SLC22A5: variants seen among roughly 807,000 people sequenced by gnomAD.
The protein encoded by SLC22A5 is organic cation/carnitine transporter 2.
SLC22A5 carries 44 observed loss-of-function variants against 56.7 expected under a neutral mutation model. The observed-to-expected ratio is 0.78, with a 90% CI of 0.61 to 1.00. The LOEUF (loss-of-function observed/expected upper bound fraction) is 1.00, where lower values mean the gene tolerates loss of function less well. Among genes scored for constraint, SLC22A5 ranks in the 50% least tolerant of loss-of-function variants. The pLI, the probability that SLC22A5 is intolerant of heterozygous loss-of-function variation, is 0.00. For synonymous variants in SLC22A5, 278 were observed against 292.1 expected (o/e 0.95, Z 0.49); for missense variants, 675 against 723.0 (o/e 0.93, Z 0.76).
In SLC22A5 at chr5:132,369,884, C is replaced by T; in HGVS notation, c.-89C>T. ...TTGGGTCGCCTGCTGCCTGGCTTGC[C>T]TGGTCGGCGGCGGGTGCCCCGCGCG... On this transcript the variant is annotated 5_prime_UTR_variant, in exon 1 of 10. Transcript: ENST00000245407. The T allele has an allele frequency of 6.5e-7, 1 of 1,534,744 alleles. No individual in the cohort carries two copies. Among genetic ancestry groups the T allele is most frequent in the Non-Finnish European group, 8.8e-7 (1 of 1,142,788 alleles).
chr5:132,389,240 G>T, intron 6 of SLC22A5: 1 of 535,392 alleles, frequency 1.9e-6, no homozygotes, highest in Non-Finnish European at 3.4e-6. Flanking sequence ...GGAGGCTGTT[G>T]TGGGAAATAT....
chr5:132,389,060 C>A, intron 6 of SLC22A5, 39 bp downstream of exon 6: 1 of 1,382,214 alleles, frequency 7.2e-7, no homozygotes, highest in Non-Finnish European at 1.0e-6. Context: ...CCAGACAAAG[C>A]TTCTTGAAGT....
intron 1 of SLC22A5, chr5:132,377,303 C>T (rs886957077): frequency 2.6e-5 from 4 of 152,164 alleles, no homozygotes; most frequent in African/African-American, 9.7e-5. Flanking sequence ...TGTCCCCTTG[C>T]CTGCGTTGTT....
intron 1 of SLC22A5, among the ~76,000 whole-genome samples, chr5:132,375,481 A>G (rs1267923687): frequency 4.6e-5 from 7 of 152,326 alleles, no homozygotes; most frequent in East Asian, 3.9e-4. Flanking sequence ...CACACACCCT[A>G]TCTTTTTTCC....
At chr5:132,384,081 C>T (rs1752438911) in intron 2 of SLC22A5, 66 bp from the exon 3 acceptor site, 10 of 1,530,238 alleles carry the variant, frequency 6.5e-6, no homozygotes, top group Admixed American at 5.0e-5. Flanking sequence ...GAAAGCCCCA[C>T]TTGGTGGAGC....
chr5:132,370,453 C>A, intron 1 of SLC22A5, 88 bp downstream of exon 1: 1 of 1,396,206 alleles, frequency 7.2e-7, no homozygotes, highest in Non-Finnish European at 9.9e-7. Context: ...CCCAGATGCG[C>A]ACTGGACGCT....
chr5:132,387,052 C>T lies in SLC22A5; in HGVS notation c.852C>T (p.Leu284=), dbSNP rs146185976. The change falls in exon 5 of 10, where the codon CTC becomes CTT. Residue 284 remains leucine, a synonymous_variant. Coordinates refer to ENST00000245407, the MANE Select transcript of SLC22A5 (RefSeq NM_003060.4). ...TCATCCCTGAGTCCCCCCGATGGCT[C>T]ATCTCTCAGGGACGATTTGAAGAGG... ...WWFIPESPRW[L]ISQGRFEEAE... is the part of the protein sequence containing the mutation. The T allele has an allele frequency of 3.0e-4, 480 of 1,614,012 alleles. No homozygotes were observed. The highest frequency in any genetic ancestry group is 3.9e-4 in the Non-Finnish European group (457 of 1,179,960).
At chr5:132,376,138 A>T (rs1752132150) in intron 1 of SLC22A5, 1 of 152,280 alleles carries the variant, frequency 6.6e-6, no homozygotes, top group South Asian at 2.1e-4. Context: ...GTTGACAGAT[A>T]TGTGGACGGA....
At chr5:132,392,356 G>A (rs917811528) in intron 7 of SLC22A5, 77 bp from the exon 8 acceptor site, 1 of 1,369,456 alleles carries the variant, frequency 7.3e-7, no homozygotes, top group Non-Finnish European at 1.0e-6. Flanking sequence ...TGGGAAGAAA[G>A]TATGTTTGTT....
At position 132,393,730 on chromosome 5, in the gene SLC22A5, C is replaced by A; in HGVS notation, c.1505C>A (p.Thr502Lys). The A allele has an allele frequency of 1.2e-6, 2 of 1,614,188 alleles. No homozygotes were observed. The highest frequency in any genetic ancestry group is 1.7e-6 in the Non-Finnish European group (2 of 1,180,016). Residue 502 changes from threonine to lysine, a missense_variant, in exon 9 of 10, where the codon ACA becomes AAA. By Grantham distance (78) the Thr-to-Lys change is moderately conservative. Transcript: ENST00000245407. Reference protein sequence around the residue: ...YILMGSLTILTAILTLFLPES... With the variant: ...YILMGSLTILKAILTLFLPES... ...CTCATGGGAAGTCTGACCATCCTGA[C>A]AGCCATCCTCACCTTGTTTCTCCCA...
chr5:132,394,400 C>T lies in SLC22A5; in HGVS notation c.*128C>T. 1.3e-6 allele frequency: 1 copy of T among 798,418 alleles called. No homozygotes were observed. The highest frequency in any genetic ancestry group is 2.2e-6 in the Non-Finnish European group (1 of 446,372). 49.5% of individuals were successfully genotyped at this position (798,418 alleles called of 1,614,324 possible). ...GTTTGTCCTCTTGACCTGTGTCTGA[C>T]TTGCTCCTGGATGGGCACCCACACT... On this transcript the variant is annotated 3_prime_UTR_variant, in exon 10 of 10. Transcript: ENST00000245407.
rs1054647531 is a variant in SLC22A5, at chr5:132,394,355, A to G, written c.*83A>G. On this transcript the variant is annotated 3_prime_UTR_variant, in exon 10 of 10. Transcript: ENST00000245407. The stretch of plus-strand genomic sequence containing the variant: ...AGCTTGTGCAGACTCCGAGTCCTTC[A>G]GTGACAAAAGGCCTTTGCTGTTTGT... The G allele has an allele frequency of 2.7e-5, 26 of 950,360 alleles. No homozygotes were observed. Among genetic ancestry groups the G allele is most frequent in the Admixed American group, 4.1e-5 (2 of 48,940 alleles). The allele number at this position is 950,360 out of a possible 1,614,324, so 58.9% of individuals were successfully genotyped here.
intron 1 of SLC22A5, chr5:132,377,675 A>G (rs1160880871): frequency 6.0e-6 from 1 of 166,154 alleles, no homozygotes; most frequent in Non-Finnish European, 1.3e-5. Context: ...CTGTTTTACA[A>G]ATGGGGAAAT....
intron 6 of SLC22A5, chr5:132,390,480 C>A (rs1043918715): frequency 7.9e-6 from 5 of 631,468 alleles, no homozygotes; most frequent in Non-Finnish European, 1.4e-5. Flanking sequence ...TGAGAGCGCA[C>A]TGGCGCAGGG....
intron 5 of SLC22A5, 104 bp from the exon 6 acceptor site, chr5:132,388,817 T>G: frequency 3.2e-5 from 26 of 813,514 alleles, no homozygotes; most frequent in Non-Finnish European, 4.4e-5. Flanking sequence ...TCCCCGACGC[T>G]GAGATGCAGA....
intron 2 of SLC22A5, chr5:132,383,324 A>G (rs1396666502): frequency 6.6e-6 from 1 of 152,102 alleles, no homozygotes; most frequent in African/African-American, 2.4e-5. Flanking sequence ...TACTTAATCT[A>G]TGGATTCTCC....
At chr5:132,370,407 G>A (rs920186147) in intron 1 of SLC22A5, 42 bp downstream of exon 1, 4 of 1,602,362 alleles carry the variant, frequency 2.5e-6, no homozygotes, top group Non-Finnish European at 3.4e-6. Context: ...AGGGCTCGGA[G>A]GACCTGTCGC....
In SLC22A5 at chr5:132,369,846, T is replaced by A; in HGVS notation, c.-127T>A. On this transcript the variant is annotated 5_prime_UTR_variant, in exon 1 of 10. Coordinates refer to ENST00000245407, the MANE Select transcript of SLC22A5 (RefSeq NM_003060.4). ...GCGGTGTCAGCTCGCGAGCCTACCC[T>A]CCGCGGACGGTCTTGGGTCGCCTGC... 1 of 1,260,506 alleles carries A rather than the reference T, an allele frequency of 7.9e-7. No individual in the cohort carries two copies. The highest frequency in any genetic ancestry group is 1.1e-6 in the Non-Finnish European group (1 of 938,746). 78.1% of individuals were successfully genotyped at this position (1,260,506 alleles called of 1,614,324 possible).
At position 132,370,383 on chromosome 5, in the gene SLC22A5, C is replaced by G; in HGVS notation, c.393+18C>G. ...TGACCGAGGTGGGTGCCGGCCCCTG[C>G]TGGGGCTGAGACCAGGGCTCGGAGG... is the stretch of plus-strand genomic sequence containing the variant. On this transcript the variant is annotated intron_variant, in intron 1 of 9. Coordinates refer to ENST00000245407, the MANE Select transcript of SLC22A5 (RefSeq NM_003060.4). The G allele has an allele frequency of 6.2e-7, 1 of 1,610,778 alleles. No individual in the cohort carries two copies.
Sources: allele counts gnomAD v4.1 joint callset (sites outside exome capture counted in the v4.1 genomes callset), GRCh38; gene constraint gnomAD v4.1.1; transcripts MANE v1.5; gene names NCBI Gene and HGNC (gene_info 2026-07-23, HGNC 2026-07-21).